FHIT: variants seen among roughly 807,000 people sequenced by gnomAD.
FHIT encodes the protein fragile histidine triad diadenosine triphosphatase.
Under a neutral mutation model 17.9 loss-of-function variants are expected in FHIT, and 19 were observed. The observed-to-expected ratio is 1.06, with a 90% CI of 0.74 to 1.56. The LOEUF (loss-of-function observed/expected upper bound fraction) is 1.56, where lower values mean the gene tolerates loss of function less well. Among genes scored for constraint, FHIT ranks in the 40% most tolerant of loss-of-function variants. The pLI is 0.00. For missense variants in FHIT, 248 were observed against 189.2 expected, an observed-to-expected ratio of 1.31 and a Z score of -1.82; for synonymous variants, 81 against 69.7, an observed-to-expected ratio of 1.16 and a Z score of -0.81.
intron 8 of FHIT, among the ~76,000 whole-genome samples, chr3:59,797,600 C>T (rs1306271158): frequency 6.6e-6 from 1 of 152,158 alleles, no homozygotes; most frequent in Non-Finnish European, 1.5e-5. Flanking sequence ...CTGGGTTTCT[C>T]CTGTTTCATC....
chr3:61,186,494 G>C (rs1009092711), intron 2 of FHIT, among the ~76,000 whole-genome samples: 1 of 152,188 alleles, frequency 6.6e-6, no homozygotes, highest in East Asian at 1.9e-4. Flanking sequence ...TGCACGGGTA[G>C]CCATAGCTGG....
At chr3:59,789,770 A>G (rs1436213221) in intron 8 of FHIT, among the ~76,000 whole-genome samples, 1 of 152,208 alleles carries the variant, frequency 6.6e-6, no homozygotes. Flanking sequence ...TTAATACATC[A>G]GTGACATTCT....
intron 5 of FHIT, among the ~76,000 whole-genome samples, chr3:60,070,921 T>G (rs923956376): frequency 3.3e-5 from 5 of 152,240 alleles, no homozygotes; most frequent in Non-Finnish European, 7.3e-5. Context: ...CAGGCAGCAA[T>G]TCCTACAGGT....
At chr3:59,993,611 T>C (rs1344995018) in intron 7 of FHIT, among the ~76,000 whole-genome samples, 1 of 151,976 alleles carries the variant, frequency 6.6e-6, no homozygotes, top group African/African-American at 2.4e-5. Flanking sequence ...CACAGACAAT[T>C]AAATGTGGTT....
intron 9 of FHIT, chr3:59,751,428 A>G: frequency 5.1e-6 from 1 of 197,502 alleles, no homozygotes. Context: ...TTTTGTTTAC[A>G]GGCCAAACAT....
intron 5 of FHIT, among the ~76,000 whole-genome samples, chr3:60,447,083 T>C (rs2031391018): frequency 6.6e-6 from 1 of 151,976 alleles, no homozygotes; most frequent in Non-Finnish European, 1.5e-5. Flanking sequence ...TCTCAACTGC[T>C]CCTTGAGCCA....
intron 4 of FHIT, among the ~76,000 whole-genome samples, chr3:60,779,710 C>A (rs1326083691): frequency 6.6e-6 from 1 of 151,846 alleles, no homozygotes; most frequent in African/African-American, 2.4e-5. Flanking sequence ...AGACTGAATT[C>A]CAAGCTTCAC....
At chr3:61,045,384 G>C (rs1010106212) in intron 2 of FHIT, among the ~76,000 whole-genome samples, 2 of 152,118 alleles carry the variant, frequency 1.3e-5, no homozygotes, top group East Asian at 3.9e-4. Flanking sequence ...AGATCAAAGA[G>C]ACAAAGAAGG....
chr3:60,789,142 AT>A (rs1700685921), intron 4 of FHIT, among the ~76,000 whole-genome samples: 3 of 129,388 alleles, frequency 2.3e-5, no homozygotes, highest in Admixed American at 1.5e-4. Flanking sequence ...ATAGAGAGAG[AT>A]GTGTGTGTGT....
intron 4 of FHIT, among the ~76,000 whole-genome samples, chr3:60,762,187 C>T (rs1188364046): frequency 6.6e-6 from 1 of 152,214 alleles, no homozygotes; most frequent in Non-Finnish European, 1.5e-5. Context: ...TTATTCTCCA[C>T]TTCTTGCCCT....
At chr3:59,814,932 C>T (rs1363719921) in intron 8 of FHIT, among the ~76,000 whole-genome samples, 1 of 152,088 alleles carries the variant, frequency 6.6e-6, no homozygotes, top group African/African-American at 2.4e-5. Flanking sequence ...GGAGCAAATC[C>T]CTTAACAGTC....
intron 5 of FHIT, among the ~76,000 whole-genome samples, chr3:60,304,036 C>T (rs1708558843): frequency 6.6e-6 from 1 of 152,134 alleles, no homozygotes; most frequent in Non-Finnish European, 1.5e-5. Flanking sequence ...CTAATTGTGA[C>T]CTGCACCTTG....
At chr3:59,839,079 G>A (rs1334286920) in intron 8 of FHIT, among the ~76,000 whole-genome samples, 1 of 152,104 alleles carries the variant, frequency 6.6e-6, no homozygotes, top group Non-Finnish European at 1.5e-5. Flanking sequence ...CATTTTGGGA[G>A]GCCGAGGCAG....
chr3:60,961,142 G>T (rs1006899241), intron 3 of FHIT, among the ~76,000 whole-genome samples: 1 of 152,144 alleles, frequency 6.6e-6, no homozygotes, highest in African/African-American at 2.4e-5. Flanking sequence ...GTGTGAGATG[G>T]TATCTCATTG....
intron 8 of FHIT, among the ~76,000 whole-genome samples, chr3:59,772,601 G>A (rs1350307063): frequency 6.6e-6 from 1 of 152,208 alleles, no homozygotes; most frequent in African/African-American, 2.4e-5. Context: ...TGGTGCCAAG[G>A]CCAGCTCTCG....
intron 5 of FHIT, among the ~76,000 whole-genome samples, chr3:60,275,636 C>A (rs1400829771): frequency 6.6e-6 from 1 of 152,140 alleles, no homozygotes; most frequent in Non-Finnish European, 1.5e-5. Flanking sequence ...CATACACACA[C>A]ACACACACAC....
At chr3:60,931,202 C>T (rs778299593) in intron 3 of FHIT, among the ~76,000 whole-genome samples, 3 of 129,192 alleles carry the variant, frequency 2.3e-5, no homozygotes, top group Non-Finnish European at 4.8e-5. Context: ...CATCAAACAC[C>T]GGGGCCTGTT....
At chr3:61,034,271 C>T (rs1559926743) in intron 3 of FHIT, among the ~76,000 whole-genome samples, 1 of 151,986 alleles carries the variant, frequency 6.6e-6, no homozygotes, top group Non-Finnish European at 1.5e-5. Flanking sequence ...AGTGGTACCT[C>T]CTCAAAATTA....
At chr3:60,029,928 T>TGTGA (rs56924673) in intron 5 of FHIT, among the ~76,000 whole-genome samples, 433 of 151,040 alleles carry the variant, frequency 2.9e-3, no homozygotes, top group African/African-American at 9.6e-3. Context: ...TGTGTGTGTG[T>TGTGA]ACAAATGTGA....
Sources: gnomAD v4.1 joint callset for allele counts (sites outside exome capture counted in the v4.1 genomes callset) on GRCh38, gnomAD v4.1.1 for gene constraint, MANE v1.5 for transcripts, NCBI Gene and HGNC (gene_info 2026-07-23, HGNC 2026-07-21) for gene names.